The following SCYL3 variants were observed in gnomAD, a reference collection of about 807,000 sequenced individuals.
SCYL3 encodes SCY1 like pseudokinase 3, also known as protein-associating with the carboxyl-terminal domain of ezrin.
Under a neutral mutation model 73.8 loss-of-function variants are expected in SCYL3, and 35 were observed. The ratio of observed to expected loss-of-function variants is 0.47; its 90% CI spans 0.36 to 0.63. The LOEUF (loss-of-function observed/expected upper bound fraction) is 0.63. Among genes scored for constraint, SCYL3 ranks in the 20% least tolerant of loss-of-function variants. The pLI is 0.00. For synonymous variants in SCYL3, 277 were observed against 295.2 expected (o/e 0.94, Z 0.63); for missense variants, 712 against 798.9 (o/e 0.89, Z 1.31).
At position 169,852,011 on chromosome 1, in the gene SCYL3, C is replaced by G. The variant is rs1658416197; in HGVS notation, c.*1702G>C. On this transcript the variant is annotated 3_prime_UTR_variant, in exon 13 of 13. Transcript: ENST00000367771. ...CCTTTTTACTTACTGACGAAACAAA[C>G]CAGTGTGGTTTCCAGCCTTATGCTG... 2.5e-6 allele frequency: 4 copies of G among 1,599,244 alleles called. No individual in the cohort carries two copies. Among genetic ancestry groups the G allele is most frequent in the Non-Finnish European group, 3.4e-6 (4 of 1,168,770 alleles).
At position 169,852,285 on chromosome 1, in the gene SCYL3, A is replaced by G. The variant is rs1463758876; in HGVS notation, c.*1428T>C. 1 of 318,510 alleles carries G rather than the reference A, an allele frequency of 3.1e-6. No homozygotes were observed. Among genetic ancestry groups the G allele is most frequent in the East Asian group, 8.5e-5 (1 of 11,780 alleles). The allele number at this position is 318,510 out of a possible 1,614,324, so 19.7% of individuals were successfully genotyped here. On this transcript the variant is annotated 3_prime_UTR_variant, in exon 13 of 13. Transcript: ENST00000367771. The stretch of plus-strand genomic sequence containing the variant: ...TTTGATTCCTTGCCTTATTAATCAA[A>G]TGAGTCTCCTAATAATTTTTGGCAG...
chr1:169,886,409 C>T (rs899568837), intron 2 of SCYL3, among the ~76,000 whole-genome samples: 1 of 152,140 alleles, frequency 6.6e-6, no homozygotes, highest in African/African-American at 2.4e-5. Flanking sequence ...CTTGTTATGC[C>T]CACACAATGT....
intron 12 of SCYL3, 129 bp from the exon 13 acceptor site, chr1:169,853,901 A>AAAT (rs1242834769): frequency 7.0e-6 from 7 of 1,004,110 alleles, no homozygotes; most frequent in Non-Finnish European, 1.0e-5. Flanking sequence ...GTACTAAGTA[A>AAAT]AATAACTTAG....
intron 10 of SCYL3, among the ~76,000 whole-genome samples, chr1:169,860,241 A>C (rs1260082147): frequency 1.3e-5 from 2 of 152,244 alleles, no homozygotes; most frequent in African/African-American, 4.8e-5. Flanking sequence ...AAGTTAGTCT[A>C]ACATTCTTAA....
rs909793107 is a variant in SCYL3 at position 169,850,653 on chromosome 1, G to A, written c.*3060C>T. 6.6e-5 allele frequency: 14 copies of A among 212,022 alleles called. No homozygotes were observed. The South Asian group carries it at 8.5e-4, about 13-fold the overall frequency. The allele number at this position is 212,022 out of a possible 1,614,324, so 13.1% of individuals were successfully genotyped here. On this transcript the variant is annotated 3_prime_UTR_variant, in exon 13 of 13. Coordinates refer to ENST00000367771, the MANE Select transcript of SCYL3 (RefSeq NM_020423.7). ...TCTACTAAAAATACAAAAATTAGCCGGGCATGGTGGTACGCGCCTGCAGTC... is the reference window on the plus strand; with the variant it reads ...TCTACTAAAAATACAAAAATTAGCCAGGCATGGTGGTACGCGCCTGCAGTC...
rs1660063542 is a variant in SCYL3, at chr1:169,866,842, T to C, written c.815+54A>G. On this transcript the variant is annotated intron_variant, in intron 8 of 12. Transcript: ENST00000367771. The stretch of plus-strand genomic sequence containing the variant: ...TCTTCTCTAGAATACCTAAAGTGAT[T>C]ATATGGACTTAATCCAAGTTATTCA... 8 of 965,386 alleles carry C rather than the reference T, an allele frequency of 8.3e-6. No homozygotes were observed. In the Admixed American group the frequency reaches 1.3e-4, roughly 16 times the overall value. 59.8% of individuals were successfully genotyped at this position (965,386 alleles called of 1,614,324 possible). A position where few individuals can be genotyped will look rare whatever the true frequency, so the allele number is the denominator to read the frequency against.
At chr1:169,875,947 A>C (rs1378074879) in intron 4 of SCYL3, 31 bp downstream of exon 4, 1 of 1,461,734 alleles carries the variant, frequency 6.8e-7, no homozygotes, top group African/African-American at 1.4e-5. Context: ...TTAAAAACCA[A>C]GTAAGGAAGG....
At chr1:169,856,971 T>C (rs1028658117) in intron 11 of SCYL3, among the ~76,000 whole-genome samples, 1 of 152,238 alleles carries the variant, frequency 6.6e-6, no homozygotes, top group Non-Finnish European at 1.5e-5. Flanking sequence ...CAATGAGAAC[T>C]GGGTTAGAGA....
intron 8 of SCYL3, among the ~76,000 whole-genome samples, chr1:169,864,969 CAA>C (rs3062290): frequency 0.51 from 67,546 of 132,460 alleles, 16,186 homozygotes; most frequent in Middle Eastern, 0.6. Context: ...GATTCTGTCT[CAA>C]AAAAAAAAAA....
intron 2 of SCYL3, among the ~76,000 whole-genome samples, chr1:169,881,146 T>A (rs1383682567): frequency 1.3e-5 from 2 of 152,208 alleles, no homozygotes; most frequent in Non-Finnish European, 2.9e-5. Context: ...TTTCAATGTG[T>A]GTGAATGAAT....
intron 6 of SCYL3, 111 bp downstream of exon 6, chr1:169,870,142 CAA>C: frequency 1.3e-6 from 1 of 747,694 alleles, no homozygotes; most frequent in South Asian, 2.3e-5. Context: ...ACCTGGTAAG[CAA>C]AAGATTCCTT....
intron 10 of SCYL3, 148 bp from the exon 11 acceptor site, chr1:169,859,360 A>G: frequency 1.5e-6 from 1 of 666,064 alleles, no homozygotes; most frequent in South Asian, 3.2e-5. Flanking sequence ...CTCTCAAACT[A>G]CCTGTGGTAA....
At chr1:169,885,121 A>G (rs1039539185) in intron 2 of SCYL3, among the ~76,000 whole-genome samples, 7 of 152,218 alleles carry the variant, frequency 4.6e-5, no homozygotes, top group Non-Finnish European at 7.3e-5. Flanking sequence ...TTGAATACCT[A>G]TTACATCCCA....
chr1:169,849,839 G>T lies in SCYL3; in HGVS notation c.*3874C>A. 1.9e-6 allele frequency: 1 copy of T among 527,412 alleles called. No individual in the cohort carries two copies. Among genetic ancestry groups the T allele is most frequent in the African/African-American group, 1.9e-5 (1 of 52,658 alleles). 32.7% of individuals were successfully genotyped at this position (527,412 alleles called of 1,614,324 possible). Reference sequence around the variant, plus strand: ...AGGACCAGAACAGGCATACACAGCAGGCCTACTGATACAGACAGACACAGA... The same window carrying T: ...AGGACCAGAACAGGCATACACAGCATGCCTACTGATACAGACAGACACAGA... On this transcript the variant is annotated 3_prime_UTR_variant, in exon 13 of 13. Transcript: ENST00000367771.
chr1:169,891,979 A>C (rs752577515), intron 1 of SCYL3, among the ~76,000 whole-genome samples: 2 of 152,224 alleles, frequency 1.3e-5, no homozygotes, highest in Non-Finnish European at 2.9e-5. Context: ...AATCACTTAA[A>C]AATTAAAAAG....
Position 169,852,768 on chromosome 1 carries a change from A to ATTAC in SCYL3, c.*941_*944dup, listed in dbSNP as rs768784657. 2.2e-5 allele frequency: 36 copies of ATTAC among 1,610,630 alleles called. No homozygotes were observed. The highest frequency in any genetic ancestry group is 3.1e-5 in the Non-Finnish European group (36 of 1,177,814). ...TTATATTTAGAATGGATATTGTGATATTACTTATGTTTTTTTTCCAGCCTT... is the reference window on the plus strand; with the variant it reads ...TTATATTTAGAATGGATATTGTGATATTACTTACTTATGTTTTTTTTCCAGCCTT... On this transcript the variant is annotated 3_prime_UTR_variant, in exon 13 of 13. Transcript: ENST00000367771.
In SCYL3 at chr1:169,849,658, A is replaced by G. The variant is rs1369258337; in HGVS notation, c.*4055T>C. ...ACTTTCAAACCATTTTAATATTTCA[A>G]ATATTCCAGAACAATCCCAAAACAT... On this transcript the variant is annotated 3_prime_UTR_variant, in exon 13 of 13. Coordinates refer to ENST00000367771, the MANE Select transcript of SCYL3 (RefSeq NM_020423.7). 4.4e-6 allele frequency: 6 copies of G among 1,372,602 alleles called. No individual in the cohort carries two copies. The highest frequency in any genetic ancestry group is 5.2e-6 in the Non-Finnish European group (5 of 966,810). The allele number at this position is 1,372,602 out of a possible 1,614,324, so 85.0% of individuals were successfully genotyped here.
At position 169,852,632 on chromosome 1, in the gene SCYL3, T is replaced by G; in HGVS notation, c.*1081A>C. On this transcript the variant is annotated 3_prime_UTR_variant, in exon 13 of 13. Transcript: ENST00000367771. The stretch of plus-strand genomic sequence containing the variant: ...GATAAACCAAAATGCCTTTACATAT[T>G]TTTCTAGATGACTGTGTAGGGGTTT... 2 of 691,826 alleles carry G rather than the reference T, an allele frequency of 2.9e-6. No homozygotes were observed. The highest frequency in any genetic ancestry group is 4.8e-6 in the Non-Finnish European group (2 of 417,460). 42.9% of individuals were successfully genotyped at this position (691,826 alleles called of 1,614,324 possible). A position where few individuals can be genotyped will look rare whatever the true frequency, so the allele number is the denominator to read the frequency against.
rs2272918 is a variant in SCYL3, at chr1:169,849,739, G to A, written c.*3974C>T. 185,311 of 652,058 alleles carry A rather than the reference G, an allele frequency of 0.28. 28,332 individuals carry two copies. The highest frequency in any genetic ancestry group is 0.36 in the Middle Eastern group (907 of 2,518). The allele number at this position is 652,058 out of a possible 1,614,324, so 40.4% of individuals were successfully genotyped here. A position where few individuals can be genotyped will look rare whatever the true frequency, so the allele number is the denominator to read the frequency against. ...AAATTGTCTGAAGGGTACATTACTC[G>A]TTATCTCTTTTACAGCTTCTCAAAA... On this transcript the variant is annotated 3_prime_UTR_variant, in exon 13 of 13. Coordinates refer to ENST00000367771, the MANE Select transcript of SCYL3 (RefSeq NM_020423.7).
Sources: gnomAD v4.1 joint callset for allele counts (sites outside exome capture counted in the v4.1 genomes callset) on GRCh38, gnomAD v4.1.1 for gene constraint, MANE v1.5 for transcripts, NCBI Gene and HGNC (gene_info 2026-07-23, HGNC 2026-07-21) for gene names.